MNT: variants seen among roughly 807,000 people sequenced by gnomAD.
MNT encodes max-binding protein MNT.
MNT carries 13 observed loss-of-function variants against 40.7 expected under a neutral mutation model. The observed-to-expected ratio is 0.32, with a 90% CI of 0.21 to 0.51. The LOEUF is 0.51. MNT is among the 20% of genes least tolerant of loss of function. The pLI is 0.98. For missense variants in MNT, 757 were observed against 792.0 expected (o/e 0.96, Z 0.53); for synonymous variants, 426 against 354.8 (o/e 1.20, Z -2.26).
intron 1 of MNT, among the ~76,000 whole-genome samples, chr17:2,397,903 A>T (rs991014397): frequency 1.3e-5 from 2 of 152,204 alleles, no homozygotes; most frequent in Admixed American, 6.5e-5. Context: ...CCTGGGCTCC[A>T]CCCAGAGGCT....
At position 2,387,150 on chromosome 17, in the gene MNT, A is replaced by G; in HGVS notation, c.1500T>C (p.His500=). Reference sequence around the variant, plus strand: ...GCAGCTGGGAGCCCAGGTGGGCCACATGGTTGAGGGTGGCAGGGTGCACAG... The same window carrying G: ...GCAGCTGGGAGCCCAGGTGGGCCACGTGGTTGAGGGTGGCAGGGTGCACAG... ...HITVHPATLN[H]VAHLGSQLPL... Residue 500 remains histidine, a synonymous_variant, in exon 6 of 6, where the codon CAT becomes CAC. Coordinates refer to ENST00000174618, the MANE Select transcript of MNT (RefSeq NM_020310.3). The G allele has an allele frequency of 6.2e-7, 1 of 1,600,162 alleles. No individual in the cohort carries two copies. The highest frequency in any genetic ancestry group is 1.3e-5 in the African/African-American group (1 of 74,962).
At chr17:2,397,993 G>A (rs565678073) in intron 1 of MNT, among the ~76,000 whole-genome samples, 13 of 152,340 alleles carry the variant, frequency 8.5e-5, no homozygotes, top group African/African-American at 2.6e-4. Flanking sequence ...CAGAGCCAGC[G>A]TGCTCCCTTC....
intron 4 of MNT, chr17:2,393,659 C>T (rs906453712): frequency 6.5e-6 from 1 of 153,596 alleles, no homozygotes; most frequent in African/African-American, 2.4e-5. Context: ...GGGCTCCCGC[C>T]CAGGCTCTGC....
rs776689321 is a variant in MNT at position 2,394,949 on chromosome 17, T to C, written c.579A>G (p.Pro193=). 1.2e-6 allele frequency: 2 copies of C among 1,606,888 alleles called. No individual in the cohort carries two copies. Among genetic ancestry groups the C allele is most frequent in the Admixed American group, 1.7e-5 (1 of 59,088 alleles). Residue 193 remains proline, a synonymous_variant, in exon 2 of 6, where the codon CCA becomes CCG. Transcript: ENST00000174618. ...QPQLAPQQPP[P]PTLGTLKLAP... ...CCAACTTCAGGGTCCCCAGCGTGGG[T>C]GGGGGCGGCTGCTGGGGGGCCAGCT...
chr17:2,388,000 G>A lies in MNT; in HGVS notation c.857C>T (p.Ala286Val). 1 of 1,573,130 alleles carries A rather than the reference G, an allele frequency of 6.4e-7. No homozygotes were observed. The highest frequency in any genetic ancestry group is 8.6e-7 in the Non-Finnish European group (1 of 1,157,772). ...CTGCTGCGTGGCAATCTTCTCACGT[G>A]CCAGCCGCTCCATTTCATGCTCATA... ...KEYEHEMERLAREKIATQQRL... is the reference protein window; with the variant it reads ...KEYEHEMERLVREKIATQQRL... Residue 286 changes from alanine (A) to valine (V), a missense_variant, in exon 5 of 6, where the codon GCA (alanine) becomes GTA (valine). By Grantham distance (64) the Ala-to-Val change is moderately conservative. Around this residue, in one of 4 missense-constraint regions of MNT, gnomAD observed 73 missense variants for 100.8 expected, o/e 0.72. Coordinates refer to ENST00000174618, the MANE Select transcript of MNT (RefSeq NM_020310.3).
intron 1 of MNT, among the ~76,000 whole-genome samples, chr17:2,395,698 T>TCA (rs1190776477): frequency 6.6e-6 from 1 of 152,046 alleles, no homozygotes; most frequent in African/African-American, 2.4e-5. Context: ...GGGCTGACAG[T>TCA]CACGGGGGCT....
chr17:2,396,222 T>A (rs1477659094), intron 1 of MNT, among the ~76,000 whole-genome samples: 1 of 152,192 alleles, frequency 6.6e-6, no homozygotes, highest in Non-Finnish European at 1.5e-5. Flanking sequence ...CCAATGCCTG[T>A]TTTCCTCAGG....
intron 4 of MNT, among the ~76,000 whole-genome samples, chr17:2,393,321 C>T (rs1270779641): frequency 1.3e-5 from 2 of 152,130 alleles, no homozygotes; most frequent in South Asian, 4.1e-4. Flanking sequence ...GCCCCCGGCC[C>T]GAGCACTGCA....
rs756364459 is a variant in MNT at position 2,387,907 on chromosome 17, C to T, written c.950G>A (p.Arg317Gln). The T allele has an allele frequency of 8.7e-6, 14 of 1,606,558 alleles. No homozygotes were observed. Among genetic ancestry groups the T allele is most frequent in the African/African-American group, 2.7e-5 (2 of 74,974 alleles). Residue 317 changes from arginine to glutamine, a missense_variant, in exon 5 of 6, where the codon CGG (arginine) becomes CAG (glutamine). This residue lies in a region of MNT where 345 missense variants were observed against 380.1 expected (regional missense o/e 0.91). Transcript: ENST00000174618. Reference sequence around the variant, plus strand: ...GTCATCCTCGGGCTGGCCCGTCTGCCGCAGCACGCGGTCAATCTCCAGTAC... The same window carrying T: ...GTCATCCTCGGGCTGGCCCGTCTGCTGCAGCACGCGGTCAATCTCCAGTAC... ...MDVLEIDRVL[R>Q]QTGQPEDDQA...
chr17:2,394,277 G>GCGCCCACACACACACA, intron 3 of MNT, 28 bp downstream of exon 3: 1 of 1,487,680 alleles, frequency 6.7e-7, no homozygotes, highest in Non-Finnish European at 9.0e-7. Context: ...ACGCACGCAC[G>GCGCCCACACACACACA]CACACACACA....
intron 1 of MNT, among the ~76,000 whole-genome samples, chr17:2,399,925 C>T (rs1368675216): frequency 6.6e-6 from 1 of 152,228 alleles, no homozygotes; most frequent in Non-Finnish European, 1.5e-5. Flanking sequence ...ATTTCGCAAA[C>T]GCCCAATTAG....
At position 2,394,858 on chromosome 17, in the gene MNT, C is replaced by A; in HGVS notation, c.653+17G>T. On this transcript the variant is annotated intron_variant, in intron 2 of 5. Transcript: ENST00000174618. ...CTCCTATCCCCCACCAGCCCGACCC[C>A]GCCACACCCCACTCACCCCCCGGGC... The A allele has an allele frequency of 6.5e-7, 1 of 1,549,708 alleles. No individual in the cohort carries two copies. The highest frequency in any genetic ancestry group is 2.4e-5 in the East Asian group (1 of 41,610).
intron 1 of MNT, among the ~76,000 whole-genome samples, chr17:2,397,044 C>T (rs1281823285): frequency 6.6e-6 from 1 of 152,160 alleles, no homozygotes; most frequent in East Asian, 1.9e-4. Flanking sequence ...GGGAAGAGGC[C>T]GAGGAGGAAG....
In MNT at chr17:2,386,836, GGTGA is replaced by G; in HGVS notation, c.*61_*64del. 3 of 1,422,386 alleles carry G rather than the reference GGTGA, an allele frequency of 2.1e-6. No individual in the cohort carries two copies. The highest frequency in any genetic ancestry group is 1.5e-5 in the South Asian group (1 of 66,054). 88.1% of individuals were successfully genotyped at this position (1,422,386 alleles called of 1,614,324 possible). On this transcript the variant is annotated 3_prime_UTR_variant, in exon 6 of 6. Coordinates refer to ENST00000174618, the MANE Select transcript of MNT (RefSeq NM_020310.3). Reference sequence around the variant, plus strand: ...CTGGCTGGAATGTGTGGAGCTGGTGGGTGAGAGAGTGGGGGACAGGTCCCCCTCC... The same window carrying G: ...CTGGCTGGAATGTGTGGAGCTGGTGGGAGAGTGGGGGACAGGTCCCCCTCC...
At chr17:2,393,971 GGC>G in intron 4 of MNT, 70 bp downstream of exon 4, 1 of 1,081,526 alleles carries the variant, frequency 9.2e-7, no homozygotes, top group Non-Finnish European at 1.3e-6. Context: ...GGCGGGGCGG[GGC>G]GCGGCCGGGG....
chr17:2,392,628 C>A (rs950838836), intron 4 of MNT: 3 of 152,266 alleles, frequency 2.0e-5, no homozygotes, highest in Non-Finnish European at 2.9e-5. Context: ...AAATAAGCCA[C>A]CGGCCTGCCG....
At chr17:2,389,022 C>T (rs538269592) in intron 4 of MNT, among the ~76,000 whole-genome samples, 4 of 152,082 alleles carry the variant, frequency 2.6e-5, no homozygotes, top group South Asian at 2.1e-4. Context: ...CTCACCAGCC[C>T]GCCTTGGTTT....
At position 2,386,586 on chromosome 17, in the gene MNT, C is replaced by T. The variant is rs1052689645; in HGVS notation, c.*315G>A. On this transcript the variant is annotated 3_prime_UTR_variant, in exon 6 of 6. Transcript: ENST00000174618. ...GCGGGGGAGAAGTCAGGGAGCGTGA[C>T]GTCCACATCGCACTGATTTCCGAGG... 2.4e-5 allele frequency: 8 copies of T among 330,656 alleles called. No individual in the cohort carries two copies. Among genetic ancestry groups the T allele is most frequent in the Admixed American group, 4.5e-5 (1 of 21,992 alleles). The allele number at this position is 330,656 out of a possible 1,614,324, so 20.5% of individuals were successfully genotyped here. A position where few individuals can be genotyped will look rare whatever the true frequency, so the allele number is the denominator to read the frequency against.
intron 1 of MNT, among the ~76,000 whole-genome samples, chr17:2,400,010 G>A (rs1348343241): frequency 6.6e-6 from 1 of 152,212 alleles, no homozygotes; most frequent in Non-Finnish European, 1.5e-5. Context: ...GGCTGGCCAG[G>A]ATCATAAGAC....
Sources: gnomAD v4.1 joint callset for allele counts (sites outside exome capture counted in the v4.1 genomes callset) on GRCh38, gnomAD v4.1.1 for gene constraint, gnomAD v4.1.1 regional missense constraint, MANE v1.5 for transcripts, NCBI Gene and HGNC (gene_info 2026-07-23, HGNC 2026-07-21) for gene names.